The following ARL15 variants were observed in gnomAD, a reference collection of about 807,000 sequenced individuals.
The protein encoded by ARL15 is ARF like GTPase 15.
ARL15 carries 19 observed loss-of-function variants against 25.2 expected under a neutral mutation model. That is an observed-to-expected ratio of 0.75 (90% CI 0.53 to 1.10). ARL15 has a LOEUF of 1.10. Among genes scored for constraint, ARL15 ranks in the 50% least tolerant of loss-of-function variants. The probability of loss-of-function intolerance (pLI) is 0.00; values close to 1 mark genes in which losing one functional copy is unlikely to be tolerated. For synonymous variants in ARL15, 94 were observed against 86.8 expected, an observed-to-expected ratio of 1.08 and a Z score of -0.46; for missense variants, 220 against 246.0, an observed-to-expected ratio of 0.89 and a Z score of 0.71.
intron 4 of ARL15, among the ~76,000 whole-genome samples, chr5:53,996,769 T>C (rs1322209784): frequency 6.6e-6 from 1 of 152,158 alleles, no homozygotes; most frequent in Non-Finnish European, 1.5e-5. Context: ...AGGAATGGTA[T>C]TGTCTCTAGT....
chr5:54,297,427 T>A (rs10038268), intron 1 of ARL15, among the ~76,000 whole-genome samples: 83 of 152,330 alleles, frequency 5.4e-4, no homozygotes, highest in African/African-American at 1.8e-3. Context: ...AGCCTGGAGT[T>A]TGTTTTGTTG....
Position 54,155,813 on chromosome 5 carries a change from G to A in ARL15, c.194-1174C>T, listed in dbSNP as rs150520052. 3.2e-3 allele frequency among the ~76,000 whole-genome samples: 484 copies of A among 152,112 alleles called. 1 individual carries two copies. The highest frequency in any genetic ancestry group is 4.1e-3 in the Admixed American group (63 of 15,268). On this transcript the variant is annotated intron_variant, in intron 2 of 4. Coordinates refer to ENST00000504924, the MANE Select transcript of ARL15 (RefSeq NM_019087.3). ...GGGAATCTGGAAATTTTAAATAGGAGGAAGATTCTTTTGTTTCATTTGAAT... is the reference window on the plus strand; with the variant it reads ...GGGAATCTGGAAATTTTAAATAGGAAGAAGATTCTTTTGTTTCATTTGAAT...
intron 1 of ARL15, among the ~76,000 whole-genome samples, chr5:54,258,358 G>C (rs1230257963): frequency 6.6e-6 from 1 of 152,116 alleles, no homozygotes; most frequent in Non-Finnish European, 1.5e-5. Context: ...TCCCGTTACA[G>C]ATGGATACTC....
intron 4 of ARL15, among the ~76,000 whole-genome samples, chr5:54,092,767 A>T (rs1007415972): frequency 1.5e-4 from 23 of 152,204 alleles, no homozygotes; most frequent in African/African-American, 5.5e-4. Flanking sequence ...GATCTCAGAG[A>T]TAACTCCAAT....
intron 1 of ARL15, among the ~76,000 whole-genome samples, chr5:54,181,787 T>C (rs1036961191): frequency 6.6e-6 from 1 of 152,046 alleles, no homozygotes; most frequent in Non-Finnish European, 1.5e-5. Context: ...AAAATTTATT[T>C]CTCCACATCC....
At chr5:54,228,181 T>C (rs1408569724) in intron 1 of ARL15, among the ~76,000 whole-genome samples, 1 of 151,994 alleles carries the variant, frequency 6.6e-6, no homozygotes, top group African/African-American at 2.4e-5. Context: ...ACATCTCACA[T>C]CCCTAAAAAT....
chr5:54,097,025 T>G (rs274365), intron 4 of ARL15, among the ~76,000 whole-genome samples: 1 of 152,116 alleles, frequency 6.6e-6, no homozygotes, highest in East Asian at 1.9e-4. Flanking sequence ...AAGTTACATA[T>G]ATTTTATAGC....
At chr5:54,305,005 G>C (rs1758719380) in intron 1 of ARL15, among the ~76,000 whole-genome samples, 1 of 152,014 alleles carries the variant, frequency 6.6e-6, no homozygotes, top group Admixed American at 6.6e-5. Flanking sequence ...TTCTATTGTT[G>C]GTTAGTTAGC....
intron 1 of ARL15, among the ~76,000 whole-genome samples, chr5:54,206,201 C>A (rs1055126396): frequency 6.6e-6 from 1 of 152,116 alleles, no homozygotes; most frequent in African/African-American, 2.4e-5. Flanking sequence ...AATCCCAGCA[C>A]CTCAAATACC....
At chr5:53,961,855 A>T (rs2112152180) in intron 4 of ARL15, among the ~76,000 whole-genome samples, 1 of 152,176 alleles carries the variant, frequency 6.6e-6, no homozygotes, top group East Asian at 1.9e-4. Flanking sequence ...TATTGTTCAG[A>T]CTTCTATAGC....
At chr5:54,078,395 AAAC>A (rs1306844449) in intron 4 of ARL15, among the ~76,000 whole-genome samples, 4 of 152,218 alleles carry the variant, frequency 2.6e-5, no homozygotes, top group Non-Finnish European at 4.4e-5. Flanking sequence ...ATGAGTGAAG[AAAC>A]AACACGAACG....
At chr5:54,284,020 G>C (rs1758126673) in intron 1 of ARL15, among the ~76,000 whole-genome samples, 1 of 152,172 alleles carries the variant, frequency 6.6e-6, no homozygotes, top group Middle Eastern at 3.2e-3. Context: ...AGACCATACA[G>C]ATAAGAGAAC....
intron 4 of ARL15, among the ~76,000 whole-genome samples, chr5:54,043,246 A>G (rs146979288): frequency 3.3e-5 from 5 of 152,122 alleles, no homozygotes; most frequent in African/African-American, 1.2e-4. Flanking sequence ...ATAGTATTAA[A>G]CAAGCTTATC....
intron 4 of ARL15, among the ~76,000 whole-genome samples, chr5:53,964,411 G>C (rs1009402585): frequency 1.3e-5 from 2 of 152,030 alleles, no homozygotes; most frequent in Non-Finnish European, 2.9e-5. Context: ...CCATGCTGGA[G>C]TGCAGTGGCG....
intron 1 of ARL15, among the ~76,000 whole-genome samples, chr5:54,272,954 T>A (rs1757827801): frequency 6.6e-6 from 1 of 152,130 alleles, no homozygotes; most frequent in African/African-American, 2.4e-5. Context: ...CACATGAAAG[T>A]GGAACTCTTA....
intron 4 of ARL15, among the ~76,000 whole-genome samples, chr5:54,046,661 G>C (rs1329469390): frequency 6.6e-6 from 1 of 152,220 alleles, no homozygotes. Context: ...GGGATTTGGA[G>C]AGGGAGATGA....
chr5:53,965,249 G>A (rs1407209100), intron 4 of ARL15, among the ~76,000 whole-genome samples: 1 of 152,256 alleles, frequency 6.6e-6, no homozygotes, highest in East Asian at 1.9e-4. Context: ...CTCCTTTAGT[G>A]TTTAATCAAA....
chr5:54,192,459 AT>A, intron 1 of ARL15, among the ~76,000 whole-genome samples: 1 of 152,112 alleles, frequency 6.6e-6, no homozygotes, highest in Admixed American at 6.5e-5. Context: ...TTATTGAATT[AT>A]TTCCTAACCT....
intron 2 of ARL15, among the ~76,000 whole-genome samples, chr5:54,169,600 T>C (rs866196024): frequency 6.6e-6 from 1 of 152,344 alleles, no homozygotes; most frequent in Middle Eastern, 3.4e-3. Flanking sequence ...TTACTTTCAT[T>C]TGCTTATTAA....
Sources: allele counts gnomAD v4.1 joint callset (sites outside exome capture counted in the v4.1 genomes callset), GRCh38; gene constraint gnomAD v4.1.1; transcripts MANE v1.5; gene names NCBI Gene and HGNC (gene_info 2026-07-23, HGNC 2026-07-21).